The following THRB variants were observed in gnomAD, a reference collection of about 807,000 sequenced individuals.
THRB encodes thyroid hormone receptor beta, also known as nuclear receptor subfamily 1 group A member 2.
THRB carries 12 observed loss-of-function variants against 47.8 expected under a neutral mutation model. That is an observed-to-expected ratio of 0.25 (90% confidence interval 0.16 to 0.41). The LOEUF (loss-of-function observed/expected upper bound fraction) is 0.41. THRB is among the 10% of genes least tolerant of loss of function. The probability of loss-of-function intolerance (pLI) is 1.00; values close to 1 mark genes in which losing one functional copy is unlikely to be tolerated. For synonymous variants in THRB, 218 were observed against 212.2 expected, an observed-to-expected ratio of 1.03 and a Z score of -0.24; for missense variants, 348 against 589.2, an observed-to-expected ratio of 0.59 and a Z score of 4.24.
intron 1 of THRB, among the ~76,000 whole-genome samples, chr3:24,437,307 C>G (rs1031745632): frequency 6.6e-6 from 1 of 151,856 alleles, no homozygotes; most frequent in Non-Finnish European, 1.5e-5. Context: ...ATTGCATGTT[C>G]TCACTCATAT....
intron 2 of THRB, among the ~76,000 whole-genome samples, chr3:24,332,153 A>G (rs972838739): frequency 2.6e-5 from 4 of 152,208 alleles, no homozygotes; most frequent in Non-Finnish European, 5.9e-5. Context: ...GACCCCCTAA[A>G]GAGGAAAAAC....
rs1489250862 is a variant in THRB, at chr3:24,494,820, C to CCGCGT, written c.-434_-430dup. 2 of 152,410 alleles carry CCGCGT rather than the reference C, an allele frequency of 1.3e-5. No individual in the cohort carries two copies. Among genetic ancestry groups the CCGCGT allele is most frequent in the Non-Finnish European group, 2.9e-5 (2 of 68,230 alleles). 9.4% of individuals were successfully genotyped at this position (152,410 alleles called of 1,614,324 possible). A position where few individuals can be genotyped will look rare whatever the true frequency, so the allele number is the denominator to read the frequency against. The stretch of plus-strand genomic sequence containing the variant: ...ATTATTCATGCAAAGTTAATCCCCG[C>CCGCGT]CGCGTCACGGCCGCCCGCCCGAGGA... On this transcript the variant is annotated 5_prime_UTR_variant, in exon 1 of 11. Transcript: ENST00000646209.
intron 5 of THRB, among the ~76,000 whole-genome samples, chr3:24,157,622 T>C (rs2038062994): frequency 6.6e-6 from 1 of 152,180 alleles, no homozygotes; most frequent in South Asian, 2.1e-4. Flanking sequence ...CTTGAACTCC[T>C]GGGCCCAAGC....
chr3:24,415,868 A>T (rs1279676849), intron 1 of THRB, among the ~76,000 whole-genome samples: 2 of 151,844 alleles, frequency 1.3e-5, no homozygotes, highest in East Asian at 3.9e-4. Flanking sequence ...AGACAGACTC[A>T]GTTGATACTT....
intron 3 of THRB, among the ~76,000 whole-genome samples, chr3:24,286,298 A>G (rs2055288211): frequency 6.6e-6 from 1 of 152,178 alleles, no homozygotes; most frequent in Non-Finnish European, 1.5e-5. Flanking sequence ...AACAATACCA[A>G]CATGCTTTCA....
intron 1 of THRB, among the ~76,000 whole-genome samples, chr3:24,384,479 G>A (rs2065938268): frequency 6.6e-6 from 1 of 152,142 alleles, no homozygotes; most frequent in East Asian, 1.9e-4. Context: ...ACACTTGGGG[G>A]TGGAGCAATG....
At position 24,315,201 on chromosome 3, in the gene THRB, A is replaced by G. The variant is rs755416794; in HGVS notation, c.-188-17830T>C. Among the ~76,000 whole-genome samples the G allele has an allele frequency of 4.9e-4, 75 of 151,934 alleles. 1 individual carries two copies. The highest frequency in any genetic ancestry group is 9.6e-4 in the Non-Finnish European group (65 of 67,978). On this transcript the variant is annotated intron_variant, in intron 2 of 10. Coordinates refer to ENST00000646209, the MANE Select transcript of THRB (RefSeq NM_001354712.2). ...TGACCCACACATTAATTGCAACACA[A>G]TCTCCTTCAGTGTTCACACACAGAG...
intron 1 of THRB, among the ~76,000 whole-genome samples, chr3:24,412,418 T>A (rs1028704167): frequency 6.6e-6 from 1 of 151,788 alleles, no homozygotes; most frequent in Non-Finnish European, 1.5e-5. Flanking sequence ...AGTAAAGAGA[T>A]GGATTACTCA....
In THRB at chr3:24,168,193, A is replaced by T. The variant is rs74628429; in HGVS notation, c.284-15703T>A. ...TTTCATTACTATTAGTTGAAAATGG[A>T]GCTCAACACTTACATTGAATTTGAA... On this transcript the variant is annotated intron_variant, in intron 5 of 10. Transcript: ENST00000646209. Among the ~76,000 whole-genome samples the T allele has an allele frequency of 3.3e-5, 5 of 152,268 alleles. No individual in the cohort carries two copies. In the East Asian group the frequency reaches 9.7e-4, roughly 29 times the overall value.
intron 2 of THRB, among the ~76,000 whole-genome samples, chr3:24,309,329 T>C (rs981573227): frequency 2.0e-5 from 3 of 152,234 alleles, no homozygotes; most frequent in African/African-American, 7.2e-5. Context: ...GAATAAAGTT[T>C]TGTTTCTTTA....
intron 1 of THRB, among the ~76,000 whole-genome samples, chr3:24,452,418 T>G (rs767493481): frequency 1.3e-4 from 20 of 152,058 alleles, no homozygotes; most frequent in Non-Finnish European, 2.8e-4. Context: ...TGGGGGTAGA[T>G]TTAAGCAGGC....
intron 1 of THRB, among the ~76,000 whole-genome samples, chr3:24,389,492 G>A (rs1387527611): frequency 6.6e-6 from 1 of 152,138 alleles, no homozygotes; most frequent in East Asian, 1.9e-4. Flanking sequence ...TGTAGTTAAG[G>A]TTGTCAGAAT....
At chr3:24,401,927 G>A (rs1025575631) in intron 1 of THRB, among the ~76,000 whole-genome samples, 20 of 152,060 alleles carry the variant, frequency 1.3e-4, no homozygotes, top group Non-Finnish European at 2.2e-4. Context: ...CCAGGTGTTA[G>A]AGAAGAAAGA....
chr3:24,271,629 C>A (rs2053341344), intron 3 of THRB, among the ~76,000 whole-genome samples: 1 of 152,068 alleles, frequency 6.6e-6, no homozygotes, highest in Non-Finnish European at 1.5e-5. Flanking sequence ...CCAAGAAGCT[C>A]CTATTCTTAC....
chr3:24,137,130 T>TA (rs2034785572), intron 8 of THRB, among the ~76,000 whole-genome samples: 1 of 152,268 alleles, frequency 6.6e-6, no homozygotes, highest in South Asian at 2.1e-4. Context: ...TATAGTTATG[T>TA]AAGTACACAC....
chr3:24,317,787 T>G (rs1252695728), intron 2 of THRB, among the ~76,000 whole-genome samples: 1 of 152,216 alleles, frequency 6.6e-6, no homozygotes, highest in Non-Finnish European at 1.5e-5. Context: ...CCAGGTTCAG[T>G]GGCTCATGCC....
chr3:24,269,821 G>A (rs905521737), intron 3 of THRB, among the ~76,000 whole-genome samples: 1 of 152,124 alleles, frequency 6.6e-6, no homozygotes, highest in African/African-American at 2.4e-5. Flanking sequence ...TTTGAGCAAG[G>A]AGATGCCCAC....
At chr3:24,367,248 C>A (rs1221415356) in intron 1 of THRB, among the ~76,000 whole-genome samples, 1 of 152,160 alleles carries the variant, frequency 6.6e-6, no homozygotes, top group Non-Finnish European at 1.5e-5. Context: ...AGCATTTGTA[C>A]ATGGCAAGAG....
At chr3:24,245,084 T>A (rs1341115949) in intron 3 of THRB, among the ~76,000 whole-genome samples, 4 of 152,162 alleles carry the variant, frequency 2.6e-5, no homozygotes. Context: ...GTGAGCAACG[T>A]GATGATATGA....
Sources: allele counts gnomAD v4.1 joint callset (sites outside exome capture counted in the v4.1 genomes callset), GRCh38; gene constraint gnomAD v4.1.1; transcripts MANE v1.5; gene names NCBI Gene and HGNC (gene_info 2026-07-23, HGNC 2026-07-21).